CSRNP3: variants seen among roughly 807,000 people sequenced by gnomAD.
The protein encoded by CSRNP3 is cysteine/serine-rich nuclear protein 3.
A neutral mutation model predicts 48.0 loss-of-function variants in CSRNP3; 12 were observed. The ratio of observed to expected loss-of-function variants is 0.25; its 90% CI spans 0.16 to 0.41. The LOEUF is 0.41. Ranked by LOEUF, CSRNP3 falls within the 10% of genes least tolerant of loss-of-function variation. The pLI is 1.00. For synonymous variants in CSRNP3, 263 were observed against 269.7 expected, an observed-to-expected ratio of 0.98 and a Z score of 0.24; for missense variants, 580 against 724.4, an observed-to-expected ratio of 0.80 and a Z score of 2.29.
At chr2:165,533,662 C>G (rs911692021) in intron 3 of CSRNP3, among the ~76,000 whole-genome samples, 94 of 152,194 alleles carry the variant, frequency 6.2e-4, no homozygotes, top group African/African-American at 2.2e-3. Flanking sequence ...AAGAATTTTT[C>G]TCTTCTGTTT....
intron 2 of CSRNP3, among the ~76,000 whole-genome samples, chr2:165,507,844 G>A (rs1224499660): frequency 6.6e-6 from 1 of 152,090 alleles, no homozygotes; most frequent in Non-Finnish European, 1.5e-5. Flanking sequence ...AAAAGATACG[G>A]ACATATTATT....
Position 165,679,105 on chromosome 2 carries a change from CGAGGAG to C in CSRNP3, c.1119_1124del (p.Glu382_Glu383del). The C allele has an allele frequency of 6.2e-7, 1 of 1,612,270 alleles. No individual in the cohort carries two copies. Among genetic ancestry groups the C allele is most frequent in the Non-Finnish European group, 8.5e-7 (1 of 1,179,092 alleles). On this transcript the variant is annotated inframe_deletion, in exon 7 of 7. Coordinates refer to ENST00000651982, the MANE Select transcript of CSRNP3 (RefSeq NM_001172173.2). ...AAAGCTTGGCACCTAGTGAGTCAGA[CGAGGAG>C]GAGGAGGAAGAAGAAGAGGAAGAGG... is the stretch of plus-strand genomic sequence containing the variant.
chr2:165,574,196 GC>G, intron 3 of CSRNP3: 1 of 544,412 alleles, frequency 1.8e-6, no homozygotes, highest in Non-Finnish European at 3.3e-6. Context: ...CTGGAGGACT[GC>G]CTGAGCCTTA....
chr2:165,604,470 A>C (rs1050575424), intron 4 of CSRNP3, among the ~76,000 whole-genome samples: 4 of 152,248 alleles, frequency 2.6e-5, no homozygotes, highest in African/African-American at 9.6e-5. Context: ...ACCAATTTAC[A>C]AGCTAACTGT....
intron 4 of CSRNP3, among the ~76,000 whole-genome samples, chr2:165,604,223 A>G (rs1685972024): frequency 1.3e-5 from 2 of 152,116 alleles, no homozygotes; most frequent in African/African-American, 4.8e-5. Context: ...ACTGTATTCT[A>G]TTTTACATTG....
At chr2:165,486,238 G>A (rs1377992745) in intron 1 of CSRNP3, among the ~76,000 whole-genome samples, 1 of 152,174 alleles carries the variant, frequency 6.6e-6, no homozygotes, top group African/African-American at 2.4e-5. Context: ...TTTTCAGACC[G>A]GCTTAAAAAA....
At position 165,679,611 on chromosome 2, in the gene CSRNP3, C is replaced by G. The variant is rs1687496082; in HGVS notation, c.1616C>G (p.Ser539Cys). The stretch of plus-strand genomic sequence containing the variant: ...TTTCACTCATACTTGAAAGGCCCCT[C>G]CCAAGAAGGGTTTGTCTCTGCATTG... ...VEFHSYLKGP[S>C]QEGFVSALNG... is the part of the protein sequence containing the mutation. The change falls in exon 7 of 7, where the codon TCC becomes TGC. Residue 539 changes from serine to cysteine, a missense_variant. Transcript: ENST00000651982. 1 of 1,613,986 alleles carries G rather than the reference C, an allele frequency of 6.2e-7. No homozygotes were observed. Among genetic ancestry groups the G allele is most frequent in the African/African-American group, 1.3e-5 (1 of 74,922 alleles).
intron 3 of CSRNP3, among the ~76,000 whole-genome samples, chr2:165,588,133 T>C (rs1685660842): frequency 6.6e-6 from 1 of 152,148 alleles, no homozygotes; most frequent in African/African-American, 2.4e-5. Context: ...GTAAATGCTA[T>C]GAAAATAAAT....
At chr2:165,643,425 T>C (rs1005921213) in intron 4 of CSRNP3, among the ~76,000 whole-genome samples, 1 of 152,210 alleles carries the variant, frequency 6.6e-6, no homozygotes, top group Non-Finnish European at 1.5e-5. Flanking sequence ...TTTGGTGCAG[T>C]ACAAACCCAC....
Position 165,678,702 on chromosome 2 carries a change from T to C in CSRNP3, c.707T>C (p.Val236Ala). 6.2e-7 allele frequency: 1 copy of C among 1,612,522 alleles called. No individual in the cohort carries two copies. The highest frequency in any genetic ancestry group is 8.5e-7 in the Non-Finnish European group (1 of 1,179,002). ...CTAATCTGTGTTCTTCCTTCCAAGG[T>C]GGATCGTATGTCTTTCCCATGCGGC... is the stretch of plus-strand genomic sequence containing the variant. The part of the protein sequence containing the change: ...TCSLAGIKCQ[V>A]DRMSFPCGCT... The change falls in exon 7 of 7, where the codon GTG becomes GCG. Residue 236 changes from valine (V) to alanine (A), a missense_variant and splice_region_variant. By Grantham distance (64) the Val-to-Ala change is moderately conservative. Coordinates refer to ENST00000651982, the MANE Select transcript of CSRNP3 (RefSeq NM_001172173.2).
Position 165,683,037 on chromosome 2 carries a change from T to C in CSRNP3, c.*3284T>C, listed in dbSNP as rs1217261645. 2.0e-5 allele frequency: 3 copies of C among 152,130 alleles called. No homozygotes were observed. The highest frequency in any genetic ancestry group is 6.6e-5 in the Admixed American group (1 of 15,238). The allele number at this position is 152,130 out of a possible 1,614,324, so 9.4% of individuals were successfully genotyped here. ...ATTCCCAGTTATAATCCTGGCCGAA[T>C]TGATTTGAAAGTCAAGTGGCTGAAG... On this transcript the variant is annotated 3_prime_UTR_variant, in exon 7 of 7. Transcript: ENST00000651982.
chr2:165,682,727 G>A lies in CSRNP3; in HGVS notation c.*2974G>A, dbSNP rs529441225. Reference sequence around the variant, plus strand: ...CAGCTGACTTTTTTTTCCATTAATAGCCGTTCTATTCAACAAAGAGCTGCC... The same window carrying A: ...CAGCTGACTTTTTTTTCCATTAATAACCGTTCTATTCAACAAAGAGCTGCC... On this transcript the variant is annotated 3_prime_UTR_variant, in exon 7 of 7. Transcript: ENST00000651982. 6.6e-6 allele frequency: 1 copy of A among 152,162 alleles called. No homozygotes were observed. Among genetic ancestry groups the A allele is most frequent in the Admixed American group, 6.6e-5 (1 of 15,250 alleles). 9.4% of individuals were successfully genotyped at this position (152,162 alleles called of 1,614,324 possible).
chr2:165,530,448 T>A (rs918476164), intron 3 of CSRNP3, among the ~76,000 whole-genome samples: 1 of 152,166 alleles, frequency 6.6e-6, no homozygotes, highest in Non-Finnish European at 1.5e-5. Context: ...AGAAAAACCA[T>A]CTTTATGATT....
intron 5 of CSRNP3, among the ~76,000 whole-genome samples, chr2:165,658,805 T>C (rs1385708615): frequency 6.6e-6 from 1 of 152,116 alleles, no homozygotes; most frequent in African/African-American, 2.4e-5. Flanking sequence ...GAGAACGCTA[T>C]GGGGGAACTG....
intron 3 of CSRNP3, among the ~76,000 whole-genome samples, chr2:165,572,856 T>C (rs1381990132): frequency 6.6e-6 from 1 of 152,184 alleles, no homozygotes; most frequent in African/African-American, 2.4e-5. Context: ...CCAATAATTT[T>C]TAATCTCCTG....
intron 3 of CSRNP3, among the ~76,000 whole-genome samples, chr2:165,583,294 C>T (rs12621964): frequency 0.28 from 42,722 of 152,064 alleles, 6,827 homozygotes; most frequent in Admixed American, 0.41. Flanking sequence ...GTTCAAGGCA[C>T]TTTTTGCTTA....
intron 1 of CSRNP3, among the ~76,000 whole-genome samples, chr2:165,472,611 AAATCTCTCAGCTATTTGTT>A (rs907235056): frequency 6.6e-6 from 1 of 151,946 alleles, no homozygotes; most frequent in Non-Finnish European, 1.5e-5. Context: ...CATTTTTTTC[AAATCTCTCAGCTATTTGTT>A]AAGAGGAAAA....
At chr2:165,553,113 A>G (rs1254853173) in intron 3 of CSRNP3, among the ~76,000 whole-genome samples, 1 of 152,120 alleles carries the variant, frequency 6.6e-6, no homozygotes, top group Non-Finnish European at 1.5e-5. Context: ...TGTACCATAG[A>G]CATTTTTATG....
intron 4 of CSRNP3, among the ~76,000 whole-genome samples, chr2:165,618,285 C>T (rs904493522): frequency 5.3e-5 from 8 of 152,196 alleles, no homozygotes; most frequent in African/African-American, 1.9e-4. Flanking sequence ...CTTTGCTTTC[C>T]TCTCTGTGCT....
Sources: allele counts gnomAD v4.1 joint callset (sites outside exome capture counted in the v4.1 genomes callset), GRCh38; gene constraint gnomAD v4.1.1; transcripts MANE v1.5; gene names NCBI Gene and HGNC (gene_info 2026-07-23, HGNC 2026-07-21).